Variants in PHF21B observed in about 807,000 individuals in gnomAD.
The protein encoded by PHF21B is PHD finger protein 21B.
PHF21B carries 22 observed loss-of-function variants against 62.2 expected under a neutral mutation model. The ratio of observed to expected loss-of-function variants is 0.35; its 90% confidence interval spans 0.25 to 0.51. The LOEUF (loss-of-function observed/expected upper bound fraction) is 0.51, where lower values mean the gene tolerates loss of function less well. Ranked by LOEUF, PHF21B falls within the 20% of genes least tolerant of loss-of-function variation. The pLI is 0.97. For synonymous variants in PHF21B, 341 were observed against 314.7 expected (o/e 1.08, Z -0.88); for missense variants, 701 against 707.9 (o/e 0.99, Z 0.11).
intron 5 of PHF21B, among the ~76,000 whole-genome samples, chr22:44,906,656 C>T (rs370547591): frequency 3.2e-4 from 48 of 152,304 alleles, no homozygotes; most frequent in African/African-American, 1.1e-3. Context: ...GGGTCGGGAG[C>T]CAGAAGCCCA....
chr22:44,943,677 G>C (rs1408344766), intron 2 of PHF21B, among the ~76,000 whole-genome samples: 1 of 152,130 alleles, frequency 6.6e-6, no homozygotes, highest in Non-Finnish European at 1.5e-5. Flanking sequence ...CGACGGACAG[G>C]TTTGGGGTCC....
chr22:44,894,198 T>G (rs1214831756), intron 6 of PHF21B, among the ~76,000 whole-genome samples: 1 of 152,194 alleles, frequency 6.6e-6, no homozygotes, highest in Non-Finnish European at 1.5e-5. Flanking sequence ...CACTCAGACC[T>G]TCTGTGGAAT....
At chr22:44,999,064 C>T (rs897986365) in intron 2 of PHF21B, among the ~76,000 whole-genome samples, 12 of 152,146 alleles carry the variant, frequency 7.9e-5, no homozygotes, top group African/African-American at 2.7e-4. Flanking sequence ...AGTAAAAAAC[C>T]GTATAGTACG....
intron 2 of PHF21B, among the ~76,000 whole-genome samples, chr22:44,968,401 T>C (rs2072571722): frequency 6.6e-6 from 1 of 152,136 alleles, no homozygotes; most frequent in South Asian, 2.1e-4. Context: ...CTCAGGACTT[T>C]AGGAGGCTGA....
At position 44,937,014 on chromosome 22, in the gene PHF21B, G is replaced by A. The variant is rs992676291; in HGVS notation, c.121-16524C>T. On this transcript the variant is annotated intron_variant, in intron 2 of 12. Coordinates refer to ENST00000313237, the MANE Select transcript of PHF21B (RefSeq NM_138415.5). The stretch of plus-strand genomic sequence containing the variant: ...TGAGTAGCTGGGATTACAGGTGCCC[G>A]CCACCACACCCAGCTACTTTTTTGT... Among the ~76,000 whole-genome samples the A allele has an allele frequency of 9.2e-5, 14 of 151,956 alleles. No homozygotes were observed. In the South Asian group the frequency reaches 2.5e-3, roughly 27 times the overall value.
At chr22:44,949,111 G>A (rs2072138435) in intron 2 of PHF21B, among the ~76,000 whole-genome samples, 1 of 152,130 alleles carries the variant, frequency 6.6e-6, no homozygotes, top group African/African-American at 2.4e-5. Flanking sequence ...GTACCAGCCT[G>A]ACCAACATGG....
intron 12 of PHF21B, among the ~76,000 whole-genome samples, chr22:44,883,729 C>T (rs1391637922): frequency 6.6e-6 from 1 of 152,170 alleles, no homozygotes; most frequent in Non-Finnish European, 1.5e-5. Context: ...ACCACCGCAA[C>T]AAGGAAAAGC....
At chr22:44,911,309 A>G (rs1425830014) in intron 5 of PHF21B, among the ~76,000 whole-genome samples, 3 of 152,106 alleles carry the variant, frequency 2.0e-5, no homozygotes, top group Admixed American at 6.5e-5. Context: ...AGAAATTTGC[A>G]TAAGTAACGA....
intron 2 of PHF21B, chr22:44,971,093 T>C (rs1452667948): frequency 6.6e-6 from 1 of 151,864 alleles, no homozygotes; most frequent in Admixed American, 6.6e-5. Flanking sequence ...CACCCAAGAG[T>C]GATTAAATCT....
chr22:44,906,737 G>A (rs1030909276), intron 5 of PHF21B, among the ~76,000 whole-genome samples: 8 of 152,174 alleles, frequency 5.3e-5, no homozygotes, highest in Admixed American at 2.0e-4. Flanking sequence ...CAGCTTCCTC[G>A]TCTGTAAAAT....
intron 2 of PHF21B, among the ~76,000 whole-genome samples, chr22:44,943,739 C>T (rs981958752): frequency 6.6e-6 from 1 of 152,256 alleles, no homozygotes; most frequent in South Asian, 2.1e-4. Context: ...GTGACACTCA[C>T]CCTCAGCTCT....
At chr22:44,915,975 G>T (rs538654499) in intron 4 of PHF21B, among the ~76,000 whole-genome samples, 3 of 152,184 alleles carry the variant, frequency 2.0e-5, no homozygotes, top group African/African-American at 7.2e-5. Context: ...TCATTTGAAT[G>T]AATTCATTCA....
chr22:44,970,190 G>A (rs1038955678), intron 2 of PHF21B, among the ~76,000 whole-genome samples: 1 of 152,248 alleles, frequency 6.6e-6, no homozygotes, highest in Non-Finnish European at 1.5e-5. Flanking sequence ...CCACTAGGAA[G>A]AAAGATTAAA....
intron 5 of PHF21B, among the ~76,000 whole-genome samples, chr22:44,912,878 CAAAAAA>C (rs3087031): frequency 6.6e-5 from 3 of 45,608 alleles, no homozygotes; most frequent in African/African-American, 1.2e-4. Flanking sequence ...GACTCTATCT[CAAAAAA>C]AAAAAAAAAA....
intron 2 of PHF21B, among the ~76,000 whole-genome samples, chr22:44,932,361 T>C (rs2071759554): frequency 6.6e-6 from 1 of 152,172 alleles, no homozygotes; most frequent in Non-Finnish European, 1.5e-5. Context: ...TCACCCACTA[T>C]CAGAGTGTCC....
At chr22:44,971,440 GCA>G (rs980431257) in intron 2 of PHF21B, 30 of 152,176 alleles carry the variant, frequency 2.0e-4, no homozygotes, top group African/African-American at 5.8e-4. Flanking sequence ...CACCTGTACC[GCA>G]CACAGAGTTG....
chr22:44,897,340 G>C (rs1018893232), intron 5 of PHF21B, among the ~76,000 whole-genome samples: 5 of 152,108 alleles, frequency 3.3e-5, no homozygotes, highest in African/African-American at 1.2e-4. Flanking sequence ...CCTGCCTTGA[G>C]TGTGGGCAGG....
intron 2 of PHF21B, among the ~76,000 whole-genome samples, chr22:44,944,623 C>T (rs2072027063): frequency 6.6e-6 from 1 of 152,180 alleles, no homozygotes; most frequent in Non-Finnish European, 1.5e-5. Context: ...GCAAATGACG[C>T]ATCACAGGGC....
At chr22:44,983,826 C>T (rs963489618) in intron 2 of PHF21B, among the ~76,000 whole-genome samples, 1 of 152,050 alleles carries the variant, frequency 6.6e-6, no homozygotes, top group African/African-American at 2.4e-5. Context: ...ATAATAAAAC[C>T]ACTAATATTT....
Sources: allele counts gnomAD v4.1 joint callset (sites outside exome capture counted in the v4.1 genomes callset), GRCh38; gene constraint gnomAD v4.1.1; transcripts MANE v1.5; gene names NCBI Gene and HGNC (gene_info 2026-07-23, HGNC 2026-07-21).